AGPAT4: variants seen among roughly 807,000 people sequenced by gnomAD.
The protein encoded by AGPAT4 is 1-acyl-sn-glycerol-3-phosphate acyltransferase delta.
A neutral mutation model predicts 48.0 loss-of-function variants in AGPAT4; 15 were observed. The ratio of observed to expected loss-of-function variants is 0.31; its 90% CI spans 0.21 to 0.48. The LOEUF is 0.48. AGPAT4 is among the 20% of genes least tolerant of loss of function. AGPAT4 has a pLI of 0.99. For synonymous variants in AGPAT4, 178 were observed against 198.7 expected (o/e 0.90, Z 0.88); for missense variants, 314 against 482.5 (o/e 0.65, Z 3.27).
At position 161,217,918 on chromosome 6, in the gene AGPAT4, A is replaced by G. The variant is rs150600013; in HGVS notation, c.178+14118T>C. ...GTTTGGATAACATGCAGAACTCACC[A>G]TCACTAGACTGTGACTGGGTTGAAG... On this transcript the variant is annotated intron_variant, in intron 2 of 8. Transcript: ENST00000320285. This position sits in a 1 kb window ranked among gnomAD's most constrained non-coding sequence, Gnocchi z 4.9. Among the ~76,000 whole-genome samples the G allele has an allele frequency of 6.6e-6, 1 of 152,344 alleles. No individual in the cohort carries two copies. Among genetic ancestry groups the G allele is most frequent in the African/African-American group, 2.4e-5 (1 of 41,582 alleles).
Position 161,231,907 on chromosome 6 carries a change from C to T in AGPAT4, c.178+129G>A, listed in dbSNP as rs1457212733. On this transcript the variant is annotated intron_variant, in intron 2 of 8. Transcript: ENST00000320285. The surrounding 1 kb of genome is among the most constrained non-coding windows in gnomAD (Gnocchi z 5.3). ...TGAGAACAAAATAGCCATTTCAAAC[C>T]TAAAACAAAAACAAAACAAAAAAAC... 5 of 958,726 alleles carry T rather than the reference C, an allele frequency of 5.2e-6. No homozygotes were observed. The African/African-American group carries it at 6.7e-5, about 13-fold the overall frequency. 59.4% of individuals were successfully genotyped at this position (958,726 alleles called of 1,614,324 possible). A position where few individuals can be genotyped will look rare whatever the true frequency, so the allele number is the denominator to read the frequency against.
chr6:161,213,419 T>G (rs1562340628), intron 2 of AGPAT4, among the ~76,000 whole-genome samples: 1 of 152,238 alleles, frequency 6.6e-6, no homozygotes, highest in South Asian at 2.1e-4. Context: ...TCTAGTTTTA[T>G]CTTACATTTT....
Position 161,219,912 on chromosome 6 carries a change from CAGGCGGCA to C in AGPAT4, c.178+12116_178+12123del, listed in dbSNP as rs1448674591. Reference sequence around the variant, plus strand: ...GCAGGCAGGCAGGCAGGCAGGCAGGCAGGCGGCAGGCAGGCAGGCAGGCAGGCAGGCAG... The same window carrying C: ...GCAGGCAGGCAGGCAGGCAGGCAGGCGGCAGGCAGGCAGGCAGGCAGGCAG... On this transcript the variant is annotated intron_variant, in intron 2 of 8. Transcript: ENST00000320285. This position sits in a 1 kb window ranked among gnomAD's most constrained non-coding sequence, Gnocchi z 4.9. Among the ~76,000 whole-genome samples, 479 of 124,002 alleles carry C rather than the reference CAGGCGGCA, an allele frequency of 3.9e-3. 2 individuals are homozygous for C. Among genetic ancestry groups the C allele is most frequent in the African/African-American group, 0.012 (383 of 31,114 alleles). The allele number at this position is 124,002 out of a possible 152,430, so 81.4% of individuals were successfully genotyped here. A position where few individuals can be genotyped will look rare whatever the true frequency, so the allele number is the denominator to read the frequency against.
At position 161,138,233 on chromosome 6, in the gene AGPAT4, G is replaced by A. The variant is rs1448403219; in HGVS notation, c.1042+1189C>T. On this transcript the variant is annotated intron_variant, in intron 8 of 8. Transcript: ENST00000320285. The surrounding 1 kb of genome is among the most constrained non-coding windows in gnomAD (Gnocchi z 4.8). ...TTTTTTTCCCTTACACGGTGTGGGT[G>A]TTGTTTTAATATTTTAATTTTTAAC... is the stretch of plus-strand genomic sequence containing the variant. 6.6e-6 allele frequency among the ~76,000 whole-genome samples: 1 copy of A among 151,192 alleles called. No homozygotes were observed. Among genetic ancestry groups the A allele is most frequent in the African/African-American group, 2.4e-5 (1 of 41,372 alleles).
At chr6:161,168,939 G>A (rs1780189633) in intron 2 of AGPAT4, among the ~76,000 whole-genome samples, 1 of 152,204 alleles carries the variant, frequency 6.6e-6, no homozygotes, top group Non-Finnish European at 1.5e-5. Flanking sequence ...CGTTAGAGAT[G>A]CTGTGGATAT....
At chr6:161,256,311 C>T (rs1439846453) in intron 1 of AGPAT4, among the ~76,000 whole-genome samples, 1 of 152,212 alleles carries the variant, frequency 6.6e-6, no homozygotes, top group Non-Finnish European at 1.5e-5. Flanking sequence ...CCCAGGCACG[C>T]ATGGTGACGG....
chr6:161,243,428 T>C lies in AGPAT4; in HGVS notation c.-89-11126A>G, dbSNP rs1782557257. Among the ~76,000 whole-genome samples the C allele has an allele frequency of 6.6e-6, 1 of 152,202 alleles. No individual in the cohort carries two copies. The highest frequency in any genetic ancestry group is 2.4e-5 in the African/African-American group (1 of 41,462). The stretch of plus-strand genomic sequence containing the variant: ...GTCACCAAGGCAACGTGGTCAGGAC[T>C]GGCAGCTCACGTCAGAGCCTCGGCC... On this transcript the variant is annotated intron_variant, in intron 1 of 8. Transcript: ENST00000320285. This position sits in a 1 kb window ranked among gnomAD's most constrained non-coding sequence, Gnocchi z 4.8.
chr6:161,199,530 C>G (rs968130591), intron 2 of AGPAT4, among the ~76,000 whole-genome samples: 1 of 152,158 alleles, frequency 6.6e-6, no homozygotes, highest in African/African-American at 2.4e-5. Context: ...GCAGGCCAAG[C>G]TGCCTGGGGT....
In AGPAT4 at chr6:161,261,658, A is replaced by G. The variant is rs1247411192; in HGVS notation, c.-90+12280T>C. ...ATCCAGCTAATCATGTAGTGTTTGT[A>G]AGCTACATTTGACATGGGACAAGTC... On this transcript the variant is annotated intron_variant, in intron 1 of 8. Coordinates refer to ENST00000320285, the MANE Select transcript of AGPAT4 (RefSeq NM_020133.3). The surrounding 1 kb of genome is among the most constrained non-coding windows in gnomAD (Gnocchi z 5.3). Among the ~76,000 whole-genome samples, 1 of 152,242 alleles carries G rather than the reference A, an allele frequency of 6.6e-6. No homozygotes were observed. Among genetic ancestry groups the G allele is most frequent in the African/African-American group, 2.4e-5 (1 of 41,454 alleles).
At chr6:161,160,211 C>T (rs1779888969) in intron 3 of AGPAT4, 1 of 148,910 alleles carries the variant, frequency 6.7e-6, no homozygotes, top group Non-Finnish European at 1.5e-5. Flanking sequence ...ATCCACCCGC[C>T]TCGGCCTCCC....
intron 5 of AGPAT4, 28 bp downstream of exon 5, chr6:161,153,318 A>G (rs765973162): frequency 1.3e-6 from 2 of 1,587,344 alleles, no homozygotes; most frequent in Admixed American, 3.4e-5. Context: ...TGCCACGGGG[A>G]GGCCCAGGGC....
chr6:161,207,628 G>A (rs74797747), intron 2 of AGPAT4, among the ~76,000 whole-genome samples: 8,760 of 152,232 alleles, frequency 0.058, 365 homozygotes, highest in Middle Eastern at 0.082. Flanking sequence ...CGGAGGCGGA[G>A]AGAGATGACA....
In AGPAT4 at chr6:161,184,938, G is replaced by A. The variant is rs1780725139; in HGVS notation, c.179-18521C>T. 6.6e-6 allele frequency among the ~76,000 whole-genome samples: 1 copy of A among 152,048 alleles called. No homozygotes were observed. The highest frequency in any genetic ancestry group is 2.4e-5 in the African/African-American group (1 of 41,380). Reference sequence around the variant, plus strand: ...ACAGGCAGGTCAAGAGGGAGGAGTAGGTTAAACGCCCTCACGATGAGCACC... The same window carrying A: ...ACAGGCAGGTCAAGAGGGAGGAGTAAGTTAAACGCCCTCACGATGAGCACC... On this transcript the variant is annotated intron_variant, in intron 2 of 8. Coordinates refer to ENST00000320285, the MANE Select transcript of AGPAT4 (RefSeq NM_020133.3). The surrounding 1 kb of genome is among the most constrained non-coding windows in gnomAD (Gnocchi z 4.8).
At position 161,198,591 on chromosome 6, in the gene AGPAT4, G is replaced by A. The variant is rs533863936; in HGVS notation, c.179-32174C>T. Among the ~76,000 whole-genome samples the A allele has an allele frequency of 1.9e-4, 29 of 152,204 alleles. No homozygotes were observed. Among genetic ancestry groups the A allele is most frequent in the Non-Finnish European group, 3.8e-4 (26 of 68,044 alleles). On this transcript the variant is annotated intron_variant, in intron 2 of 8. Coordinates refer to ENST00000320285, the MANE Select transcript of AGPAT4 (RefSeq NM_020133.3). The surrounding 1 kb of genome is among the most constrained non-coding windows in gnomAD (Gnocchi z 4.3). ...TTAGACACATAATTGCTCAGGCTGG[G>A]TTACATCCTGGCCCCACCATCTACT...
rs777088242 is a variant in AGPAT4 at position 161,144,653 on chromosome 6, C to A, written c.843+1871G>T. Among the ~76,000 whole-genome samples, 8 of 152,140 alleles carry A rather than the reference C, an allele frequency of 5.3e-5. No individual in the cohort carries two copies. Among genetic ancestry groups the A allele is most frequent in the Non-Finnish European group, 7.3e-5 (5 of 68,040 alleles). The stretch of plus-strand genomic sequence containing the variant: ...TTACAAAAGAGGCTCATTTTCTAAA[C>A]CTTTTCTTAGCATACTCTGCTTTCG... On this transcript the variant is annotated intron_variant, in intron 7 of 8. Transcript: ENST00000320285. The surrounding 1 kb of genome is among the most constrained non-coding windows in gnomAD (Gnocchi z 6.6).
At position 161,139,563 on chromosome 6, in the gene AGPAT4, G is replaced by T; in HGVS notation, c.901C>A (p.Pro301Thr). The T allele has an allele frequency of 6.2e-7, 1 of 1,613,874 alleles. No individual in the cohort carries two copies. Among genetic ancestry groups the T allele is most frequent in the Non-Finnish European group, 8.5e-7 (1 of 1,179,896 alleles). Residue 301 changes from proline to threonine, a missense_variant, in exon 8 of 9, where the codon CCC becomes ACC. By Grantham distance (38) the Pro-to-Thr change is conservative. Transcript: ENST00000320285. The surrounding 1 kb of genome is among the most constrained non-coding windows in gnomAD (Gnocchi z 9.1). The part of the protein sequence containing the change: ...TGTFPETPMV[P>T]PRRPWTLVNW... ...ACGAGGGTCCAGGGCCGCCGGGGGG[G>T]CACCATGGGCGTCTCTGGGAAGGTG...
rs1780256489 is a variant in AGPAT4 at position 161,171,102 on chromosome 6, AG to A, written c.179-4686del. ...GCTATCAGCAGGTGCTGCACAACAG[AG>A]ATGCTTGTGAGAAAGCAGGGCTTTC... On this transcript the variant is annotated intron_variant, in intron 2 of 8. Coordinates refer to ENST00000320285, the MANE Select transcript of AGPAT4 (RefSeq NM_020133.3). This position sits in a 1 kb window ranked among gnomAD's most constrained non-coding sequence, Gnocchi z 4.4. Among the ~76,000 whole-genome samples the A allele has an allele frequency of 6.6e-6, 1 of 152,206 alleles. No individual in the cohort carries two copies.
rs1449592197 is a variant in AGPAT4, at chr6:161,270,069, T to C, written c.-90+3869A>G. ...ATACTCCTTTTAAGATATTTCCTCT[T>C]ATTCAGTCATTAGAAGAAAATGGGT... On this transcript the variant is annotated intron_variant, in intron 1 of 8. Transcript: ENST00000320285. The surrounding 1 kb of genome is among the most constrained non-coding windows in gnomAD (Gnocchi z 5.3). 6.6e-6 allele frequency among the ~76,000 whole-genome samples: 1 copy of C among 152,236 alleles called. No individual in the cohort carries two copies. The highest frequency in any genetic ancestry group is 1.5e-5 in the Non-Finnish European group (1 of 68,044).
At position 161,243,296 on chromosome 6, in the gene AGPAT4, G is replaced by A. The variant is rs1347508512; in HGVS notation, c.-89-10994C>T. Among the ~76,000 whole-genome samples, 1 of 152,092 alleles carries A rather than the reference G, an allele frequency of 6.6e-6. No individual in the cohort carries two copies. ...GGGAAATGGCCCAAGACCCGGCCCTGGGCCGGCAGAAGCAGGCGTGAGGTG... is the reference window on the plus strand; with the variant it reads ...GGGAAATGGCCCAAGACCCGGCCCTAGGCCGGCAGAAGCAGGCGTGAGGTG... On this transcript the variant is annotated intron_variant, in intron 1 of 8. Coordinates refer to ENST00000320285, the MANE Select transcript of AGPAT4 (RefSeq NM_020133.3). This position sits in a 1 kb window ranked among gnomAD's most constrained non-coding sequence, Gnocchi z 4.8.
Sources: allele counts gnomAD v4.1 joint callset (sites outside exome capture counted in the v4.1 genomes callset), GRCh38; gene constraint gnomAD v4.1.1; non-coding constraint Gnocchi (gnomAD v3.1); transcripts MANE v1.5; gene names NCBI Gene and HGNC (gene_info 2026-07-23, HGNC 2026-07-21).